Variants in RAB3GAP2 observed in about 807,000 individuals in gnomAD.
The protein encoded by RAB3GAP2 is RAB3 GTPase activating non-catalytic protein subunit 2.
RAB3GAP2 carries 87 observed loss-of-function variants against 185.3 expected under a neutral mutation model. The ratio of observed to expected loss-of-function variants is 0.47; its 90% CI spans 0.39 to 0.56. The LOEUF (loss-of-function observed/expected upper bound fraction) is 0.56, where lower values mean the gene tolerates loss of function less well. Among genes scored for constraint, RAB3GAP2 ranks in the 20% least tolerant of loss-of-function variants. RAB3GAP2 has a pLI of 0.00. For missense variants in RAB3GAP2, 1,492 were observed against 1,638.2 expected (o/e 0.91, Z 1.54); for synonymous variants, 554 against 576.1 (o/e 0.96, Z 0.55).
chr1:220,256,476 C>T (rs2667968), intron 1 of RAB3GAP2, among the ~76,000 whole-genome samples: 1 of 151,740 alleles, frequency 6.6e-6, no homozygotes. Flanking sequence ...TGGATAAAGA[C>T]GCAAAACCTT....
intron 13 of RAB3GAP2, among the ~76,000 whole-genome samples, chr1:220,193,015 C>A (rs756366878): frequency 3.9e-5 from 6 of 151,994 alleles, no homozygotes; most frequent in Non-Finnish European, 8.8e-5. Context: ...AAAGAAAGTG[C>A]AAAAGGCAAA....
At chr1:220,167,719 C>A (rs769235350) in intron 24 of RAB3GAP2, 44 bp from the exon 25 acceptor site, 1 of 1,590,872 alleles carries the variant, frequency 6.3e-7, no homozygotes, top group Non-Finnish European at 8.6e-7. Context: ...TTACAACACA[C>A]AGGGCAGTGT....
chr1:220,152,631 C>T lies in RAB3GAP2; in HGVS notation c.3867+554G>A, dbSNP rs148409479. 5.3e-5 allele frequency among the ~76,000 whole-genome samples: 8 copies of T among 152,304 alleles called. No homozygotes were observed. In the East Asian group the frequency reaches 7.7e-4, roughly 15 times the overall value. On this transcript the variant is annotated intron_variant, in intron 33 of 34. Coordinates refer to ENST00000358951, the MANE Select transcript of RAB3GAP2 (RefSeq NM_012414.4). ...TGGCTGCTGCTTCTCCTTGGGGGCT[C>T]GGTTCAAATGTCACCTTCTCTGACC...
At chr1:220,173,726 C>T (rs1310138626) in intron 21 of RAB3GAP2, among the ~76,000 whole-genome samples, 2 of 152,076 alleles carry the variant, frequency 1.3e-5, no homozygotes, top group East Asian at 3.9e-4. Context: ...ATGTCCAGCA[C>T]TACAGTTAAT....
At chr1:220,248,529 G>C (rs1659861420) in intron 1 of RAB3GAP2, among the ~76,000 whole-genome samples, 1 of 151,960 alleles carries the variant, frequency 6.6e-6, no homozygotes, top group Non-Finnish European at 1.5e-5. Context: ...AATAGACCTA[G>C]AGTTTGGGAA....
At position 220,205,924 on chromosome 1, in the gene RAB3GAP2, C is replaced by T. The variant is rs189134236; in HGVS notation, c.695G>A (p.Arg232Gln). 47 of 1,605,760 alleles carry T rather than the reference C, an allele frequency of 2.9e-5. No individual in the cohort carries two copies. Among genetic ancestry groups the T allele is most frequent in the Middle Eastern group, 1.7e-4 (1 of 6,046 alleles). ...FSLFQSLRAC[R>Q]NQVAKAAASG... The stretch of plus-strand genomic sequence containing the variant: ...AATATTACCTTTTGCTACCTGATTT[C>T]GACAAGCACGAAGAGATTGAAAAAG... The change falls in exon 8 of 35, where the codon CGA (arginine) becomes CAA (glutamine). Residue 232 changes from arginine (R) to glutamine (Q), a missense_variant. Arg to Gln is a conservative substitution (Grantham distance 43). This residue lies in a region of RAB3GAP2 where 243 missense variants were observed against 314.8 expected (regional missense o/e 0.77). Coordinates refer to ENST00000358951, the MANE Select transcript of RAB3GAP2 (RefSeq NM_012414.4).
At chr1:220,215,230 G>A (rs940331754) in intron 2 of RAB3GAP2, among the ~76,000 whole-genome samples, 8 of 151,888 alleles carry the variant, frequency 5.3e-5, no homozygotes, top group Non-Finnish European at 7.4e-5. Context: ...TAAATTCCCA[G>A]AAGTAAAATT....
At chr1:220,179,877 A>G (rs541858410) in intron 21 of RAB3GAP2, among the ~76,000 whole-genome samples, 1 of 152,308 alleles carries the variant, frequency 6.6e-6, no homozygotes, top group Admixed American at 6.5e-5. Flanking sequence ...GCTAAGAGGG[A>G]AGTCGGCCGG....
At chr1:220,160,905 T>A (rs367824016) in intron 28 of RAB3GAP2, among the ~76,000 whole-genome samples, 1 of 152,320 alleles carries the variant, frequency 6.6e-6, no homozygotes, top group Admixed American at 6.5e-5. Context: ...GAACCTAGCA[T>A]AGTCTTGGCA....
At chr1:220,252,240 TA>T (rs2102523885) in intron 1 of RAB3GAP2, among the ~76,000 whole-genome samples, 1 of 149,710 alleles carries the variant, frequency 6.7e-6, no homozygotes, top group South Asian at 2.1e-4. Flanking sequence ...TGGAAAGATA[TA>T]GATATTATAT....
intron 1 of RAB3GAP2, 47 bp downstream of exon 1, chr1:220,272,176 G>T (rs745555648): frequency 2.7e-6 from 4 of 1,488,980 alleles, no homozygotes; most frequent in African/African-American, 1.4e-5. Flanking sequence ...GTGAGCAGAG[G>T]CCGCGGGTGA....
chr1:220,166,661 C>G (rs1436675798), intron 26 of RAB3GAP2, among the ~76,000 whole-genome samples: 2 of 152,190 alleles, frequency 1.3e-5, no homozygotes, highest in Admixed American at 6.5e-5. Context: ...CTGGTAGAAA[C>G]AGTGGCTACC....
chr1:220,225,334 G>A (rs1437005024), intron 2 of RAB3GAP2, among the ~76,000 whole-genome samples: 1 of 152,176 alleles, frequency 6.6e-6, no homozygotes, highest in Non-Finnish European at 1.5e-5. Context: ...TGCTCTGAAG[G>A]TCAAGAAGTT....
chr1:220,156,374 G>A (rs1471189575), intron 31 of RAB3GAP2, among the ~76,000 whole-genome samples: 1 of 152,162 alleles, frequency 6.6e-6, no homozygotes, highest in African/African-American at 2.4e-5. Context: ...GTCTCCAACA[G>A]TTTGTCCTGT....
At chr1:220,154,295 TG>T in intron 31 of RAB3GAP2, 1 of 459,864 alleles carries the variant, frequency 2.2e-6, no homozygotes, top group South Asian at 2.5e-5. Context: ...TCTCCTTGCA[TG>T]GAGGCTGATG....
In RAB3GAP2 at chr1:220,202,310, T is replaced by C. The variant is rs1658877077; in HGVS notation, c.777A>G (p.Gln259=). ...PPLAYKKWGL[Q]DIDTIIDHAS... is the part of the protein sequence containing the mutation. The stretch of plus-strand genomic sequence containing the variant: ...CATGATCAATAATAGTGTCAATATC[T>C]TGTAGACCCCATTTCTTATAAGCTA... Residue 259 remains glutamine, a synonymous_variant, in exon 9 of 35, where the codon CAA becomes CAG. Coordinates refer to ENST00000358951, the MANE Select transcript of RAB3GAP2 (RefSeq NM_012414.4). 6.2e-7 allele frequency: 1 copy of C among 1,613,926 alleles called. No individual in the cohort carries two copies. The highest frequency in any genetic ancestry group is 8.5e-7 in the Non-Finnish European group (1 of 1,179,912).
At chr1:220,201,335 C>A (rs1201496248) in intron 9 of RAB3GAP2, among the ~76,000 whole-genome samples, 4 of 152,054 alleles carry the variant, frequency 2.6e-5, no homozygotes, top group Non-Finnish European at 5.9e-5. Context: ...TGCAAGCCAC[C>A]ACACTTGACC....
chr1:220,197,484 G>A (rs1658751990), intron 9 of RAB3GAP2, among the ~76,000 whole-genome samples: 1 of 152,016 alleles, frequency 6.6e-6, no homozygotes, highest in Non-Finnish European at 1.5e-5. Context: ...CAAATCCTTG[G>A]ACTATTTTTT....
Position 220,210,870 on chromosome 1 carries a change from G to C in RAB3GAP2, c.441C>G (p.Ser147=), listed in dbSNP as rs1436423375. 1.9e-6 allele frequency: 3 copies of C among 1,613,810 alleles called. No homozygotes were observed. Among genetic ancestry groups the C allele is most frequent in the Non-Finnish European group, 2.5e-6 (3 of 1,179,900 alleles). ...CIPLASQKRS[S]TGRPDWTCIV... ...TGCAGGTCCAGTCAGGACGCCCAGT[G>C]GAACTCCTGTTACAAACAAAATTTA... is the stretch of plus-strand genomic sequence containing the variant. Residue 147 remains serine (S), a synonymous_variant, in exon 6 of 35, where the codon TCC becomes TCG. Coordinates refer to ENST00000358951, the MANE Select transcript of RAB3GAP2 (RefSeq NM_012414.4).
Sources: gnomAD v4.1 joint callset for allele counts (sites outside exome capture counted in the v4.1 genomes callset) on GRCh38, gnomAD v4.1.1 for gene constraint, gnomAD v4.1.1 regional missense constraint, MANE v1.5 for transcripts, NCBI Gene and HGNC (gene_info 2026-07-23, HGNC 2026-07-21) for gene names.